The following PLEKHA6 variants were observed in gnomAD, a reference collection of about 807,000 sequenced individuals.
The protein encoded by PLEKHA6 is pleckstrin homology domain containing A6.
In PLEKHA6, 60 loss-of-function variants were observed where a neutral mutation model predicts 116.7. The observed-to-expected ratio is 0.51, with a 90% CI of 0.42 to 0.64. The LOEUF (loss-of-function observed/expected upper bound fraction) is 0.64. Among genes scored for constraint, PLEKHA6 ranks in the 30% least tolerant of loss-of-function variants. The pLI is 0.00. For synonymous variants in PLEKHA6, 489 were observed against 556.1 expected, an observed-to-expected ratio of 0.88 and a Z score of 1.70; for missense variants, 1,338 against 1,422.7, an observed-to-expected ratio of 0.94 and a Z score of 0.96.
chr1:204,302,864 A>G (rs1670948765), intron 1 of PLEKHA6, among the ~76,000 whole-genome samples: 1 of 149,494 alleles, frequency 6.7e-6, no homozygotes, highest in Non-Finnish European at 1.5e-5. Context: ...GGACAAGAGC[A>G]AAACTCCATC....
At chr1:204,303,206 C>T (rs1473857656) in intron 1 of PLEKHA6, among the ~76,000 whole-genome samples, 1 of 152,144 alleles carries the variant, frequency 6.6e-6, no homozygotes, top group East Asian at 1.9e-4. Flanking sequence ...CCTGGTCTTC[C>T]AGATCGGAGC....
chr1:204,244,759 G>A lies in PLEKHA6; in HGVS notation c.2172+105C>T, dbSNP rs561018716. The A allele has an allele frequency of 1.9e-5, 16 of 838,250 alleles. No homozygotes were observed. In the African/African-American group the frequency reaches 2.7e-4, roughly 14 times the overall value. 51.9% of individuals were successfully genotyped at this position (838,250 alleles called of 1,614,324 possible). A position where few individuals can be genotyped will look rare whatever the true frequency, so the allele number is the denominator to read the frequency against. On this transcript the variant is annotated intron_variant, in intron 15 of 22. Coordinates refer to ENST00000272203, the MANE Select transcript of PLEKHA6 (RefSeq NM_014935.5). ...AACAAAGAGCTCCAGCACTAGGGCT[G>A]GAGGCCTGTGGGGAAGAGATGGGCA...
intron 1 of PLEKHA6, chr1:204,282,863 C>T: frequency 1.1e-6 from 1 of 939,552 alleles, no homozygotes; most frequent in Non-Finnish European, 1.3e-6. Context: ...GGTTTTCCTC[C>T]TCTCAGCCTT....
chr1:204,279,157 T>C (rs2102945713), intron 1 of PLEKHA6, among the ~76,000 whole-genome samples: 1 of 152,256 alleles, frequency 6.6e-6, no homozygotes, highest in Middle Eastern at 3.4e-3. Context: ...GCTTTCTTCC[T>C]CTAGAAGGCA....
intron 1 of PLEKHA6, among the ~76,000 whole-genome samples, chr1:204,339,983 T>C (rs1672787176): frequency 6.6e-6 from 1 of 152,250 alleles, no homozygotes; most frequent in Admixed American, 6.5e-5. Context: ...AGGAGGCACA[T>C]GGAATAGGCA....
intron 9 of PLEKHA6, among the ~76,000 whole-genome samples, chr1:204,252,156 G>A (rs573024872): frequency 1.3e-5 from 2 of 148,664 alleles, no homozygotes; most frequent in African/African-American, 5.0e-5. Context: ...CCAGAGCTGG[G>A]CTGGCAGCAT....
intron 1 of PLEKHA6, chr1:204,299,666 G>C: frequency 1.0e-6 from 1 of 984,280 alleles, no homozygotes; most frequent in Non-Finnish European, 1.2e-6. Context: ...CTGTCTTAGG[G>C]CCTCACAGTT....
At chr1:204,325,580 C>A (rs559177471) in intron 1 of PLEKHA6, among the ~76,000 whole-genome samples, 2 of 152,314 alleles carry the variant, frequency 1.3e-5, no homozygotes, top group East Asian at 3.9e-4. Context: ...GCTTGGTGAG[C>A]CCTCAGCACA....
Position 204,313,509 on chromosome 1 carries a change from C to A in PLEKHA6, c.-94-38700G>T, listed in dbSNP as rs1039245979. 3.2e-6 allele frequency: 3 copies of A among 948,632 alleles called. No individual in the cohort carries two copies. In the African/African-American group the frequency reaches 5.3e-5, roughly 17 times the overall value. 58.8% of individuals were successfully genotyped at this position (948,632 alleles called of 1,614,324 possible). ...AGAGCACAAACCACAGCCAGGAGTT[C>A]AGAGCTCACACAAGATGTTACTATT... On this transcript the variant is annotated intron_variant, in intron 1 of 22. Coordinates refer to ENST00000272203, the MANE Select transcript of PLEKHA6 (RefSeq NM_014935.5).
At position 204,366,377 on chromosome 1, in the gene PLEKHA6, G is replaced by A. The variant is rs149825069; in HGVS notation, c.218+1422C>T. On this transcript the variant is annotated intron_variant, in intron 3 of 4. Transcript: ENST00000564627. ...AGAAGGAGGAAGAGCAGGAAGAAGAGGAGAAAGAGGAGGAGGAGAAGGAGG... is the reference window on the plus strand; with the variant it reads ...AGAAGGAGGAAGAGCAGGAAGAAGAAGAGAAAGAGGAGGAGGAGAAGGAGG... Among the ~76,000 whole-genome samples, 1,398 of 151,948 alleles carry A rather than the reference G, an allele frequency of 9.2e-3. 22 individuals carry two copies. The highest frequency in any genetic ancestry group is 0.012 in the Non-Finnish European group (793 of 67,944).
intron 5 of PLEKHA6, among the ~76,000 whole-genome samples, chr1:204,266,859 C>T (rs1272452773): frequency 6.6e-6 from 1 of 152,194 alleles, no homozygotes; most frequent in African/African-American, 2.4e-5. Flanking sequence ...TGACCTCAAC[C>T]CTTGCTGGTG....
At position 204,241,690 on chromosome 1, in the gene PLEKHA6, T is replaced by C. The variant is rs370454410; in HGVS notation, c.2297A>G (p.Asn766Ser). The C allele has an allele frequency of 1.4e-5, 23 of 1,594,316 alleles. No individual in the cohort carries two copies. The highest frequency in any genetic ancestry group is 2.7e-5 in the African/African-American group (2 of 73,994). Residue 766 changes from asparagine (N) to serine (S), a missense_variant, in exon 16 of 23, where the codon AAC becomes AGC. Physicochemically the swap from Asn to Ser is conservative, Grantham distance 46. Around this residue, in one of 3 missense-constraint regions of PLEKHA6, gnomAD observed 1,136 missense variants for 1,163.6 expected, o/e 0.98. Transcript: ENST00000272203. ...EVEAEKQAAL[N>S]KVGVVPPRTK... ...GAAGATGGGACAGAAAGTACCTTTGTTGAGAGCTGCCTGCTTCTCTGCCTC... is the reference window on the plus strand; with the variant it reads ...GAAGATGGGACAGAAAGTACCTTTGCTGAGAGCTGCCTGCTTCTCTGCCTC...
At chr1:204,307,910 A>C in intron 1 of PLEKHA6, 1 of 984,966 alleles carries the variant, frequency 1.0e-6, no homozygotes, top group Non-Finnish European at 1.2e-6. Flanking sequence ...GGCAACAGGC[A>C]AGTCTGCAGC....
chr1:204,266,262 C>A (rs987061017), intron 5 of PLEKHA6, among the ~76,000 whole-genome samples: 21 of 152,134 alleles, frequency 1.4e-4, no homozygotes, highest in African/African-American at 4.8e-4. Flanking sequence ...AGGCTCTTGT[C>A]CTCCAGAGAT....
chr1:204,376,389 C>A (rs1673871450), intron 1 of PLEKHA6, among the ~76,000 whole-genome samples: 1 of 152,206 alleles, frequency 6.6e-6, no homozygotes, highest in Non-Finnish European at 1.5e-5. Flanking sequence ...TGTCTCTAGC[C>A]ACTGCAGTTT....
At chr1:204,291,942 A>G (rs1347797321) in intron 1 of PLEKHA6, among the ~76,000 whole-genome samples, 2 of 152,186 alleles carry the variant, frequency 1.3e-5, no homozygotes, top group Non-Finnish European at 2.9e-5. Context: ...AAAAGCCTTC[A>G]ATTGAGACAT....
At chr1:204,230,174 A>G (rs1380009499) in intron 18 of PLEKHA6, among the ~76,000 whole-genome samples, 1 of 152,266 alleles carries the variant, frequency 6.6e-6, no homozygotes, top group African/African-American at 2.4e-5. Flanking sequence ...TCATTTCAAC[A>G]AACATAATTA....
intron 1 of PLEKHA6, among the ~76,000 whole-genome samples, chr1:204,311,056 C>T (rs2103156437): frequency 6.6e-6 from 1 of 152,264 alleles, no homozygotes; most frequent in Non-Finnish European, 1.5e-5. Flanking sequence ...GGGATCTCAG[C>T]ATTAAGCAGT....
At chr1:204,251,723 A>G in intron 9 of PLEKHA6, 1 of 627,252 alleles carries the variant, frequency 1.6e-6, no homozygotes, top group Non-Finnish European at 2.9e-6. Flanking sequence ...CTCCCCCAGC[A>G]CCCTGAGCTT....
Sources: allele counts gnomAD v4.1 joint callset (sites outside exome capture counted in the v4.1 genomes callset), GRCh38; gene constraint gnomAD v4.1.1; regional missense constraint gnomAD v4.1.1; transcripts MANE v1.5; gene names NCBI Gene and HGNC (gene_info 2026-07-23, HGNC 2026-07-21).